The following CRISP1 variants were observed in gnomAD, a reference collection of about 807,000 sequenced individuals.
CRISP1 encodes the protein cysteine-rich secretory protein 1.
A neutral mutation model predicts 33.1 loss-of-function variants in CRISP1; 44 were observed. The observed-to-expected ratio is 1.33, with a 90% confidence interval of 1.05 to 1.71. CRISP1 has a LOEUF of 1.71. Among genes scored for constraint, CRISP1 ranks in the 40% most tolerant of loss-of-function variants. CRISP1 has a pLI of 0.00. For missense variants in CRISP1, 390 were observed against 301.2 expected, an observed-to-expected ratio of 1.29 and a Z score of -2.18; for synonymous variants, 103 against 98.7, an observed-to-expected ratio of 1.04 and a Z score of -0.26.
rs1400269748 is a variant in CRISP1, at chr6:49,841,059, T to C, written c.436-64A>G. 2.2e-6 allele frequency: 3 copies of C among 1,341,120 alleles called. No homozygotes were observed. In the Admixed American group the frequency reaches 5.2e-5, roughly 23 times the overall value. The allele number at this position is 1,341,120 out of a possible 1,614,324, so 83.1% of individuals were successfully genotyped here. ...TTTTACTAAATGACTATAATATCCATATTGTCATCCATGATTAAAAGTAAA... is the reference window on the plus strand; with the variant it reads ...TTTTACTAAATGACTATAATATCCACATTGTCATCCATGATTAAAAGTAAA... On this transcript the variant is annotated intron_variant, in intron 5 of 7. Coordinates refer to ENST00000335847, the MANE Select transcript of CRISP1 (RefSeq NM_001131.3).
At chr6:49,857,480 T>G in intron 1 of CRISP1, 78 bp from the exon 2 acceptor site, 2 of 1,348,646 alleles carry the variant, frequency 1.5e-6, no homozygotes, top group Admixed American at 3.8e-5. Context: ...TTAAACCACT[T>G]TTACATGTGT....
chr6:49,862,848 AT>A (rs888812747), intron 1 of CRISP1, among the ~76,000 whole-genome samples: 9 of 150,032 alleles, frequency 6.0e-5, no homozygotes, highest in African/African-American at 9.8e-5. Context: ...CTGGAGGGTC[AT>A]TTTTTTTTGC....
chr6:49,841,015 T>C lies in CRISP1; in HGVS notation c.436-20A>G. On this transcript the variant is annotated intron_variant, in intron 5 of 7. Transcript: ENST00000335847. ...AACAATCTGCAATGATAAAGAGTTG[T>C]TTTATTACAGATTAAATATTTTACT... The C allele has an allele frequency of 5.1e-6, 8 of 1,575,030 alleles. No homozygotes were observed. Among genetic ancestry groups the C allele is most frequent in the Non-Finnish European group, 7.0e-6 (8 of 1,145,712 alleles).
At chr6:49,858,467 A>G (rs1771554507) in intron 1 of CRISP1, among the ~76,000 whole-genome samples, 2 of 152,184 alleles carry the variant, frequency 1.3e-5, no homozygotes, top group South Asian at 4.1e-4. Flanking sequence ...CAGACAATTA[A>G]TCATGCTTTT....
intron 4 of CRISP1, among the ~76,000 whole-genome samples, chr6:49,847,410 G>A (rs1027812429): frequency 1.3e-5 from 2 of 152,050 alleles, no homozygotes; most frequent in Non-Finnish European, 2.9e-5. Context: ...CTTCATAATG[G>A]TGAGTGAGTT....
At position 49,848,222 on chromosome 6, in the gene CRISP1, C is replaced by T. The variant is rs1312043480; in HGVS notation, c.273G>A (p.Glu91=). 1.0e-5 allele frequency: 16 copies of T among 1,591,190 alleles called. No individual in the cohort carries two copies. In the Admixed American group the frequency reaches 1.8e-4, roughly 18 times the overall value. ...ATACACACTTACTTGGAAGTCTCCT[C>T]TCAAGGGGGTTGCTCTCTGTCATAT... ...YCDMTESNPL[E]RRLPNTFCGE... is the part of the protein sequence containing the mutation. Residue 91 remains glutamate (E), a synonymous_variant, in exon 4 of 8, where the codon GAG becomes GAA. Transcript: ENST00000335847.
chr6:49,869,671 G>C (rs981243899), upstream of CRISP1, among the ~76,000 whole-genome samples: 2 of 152,102 alleles, frequency 1.3e-5, no homozygotes, highest in African/African-American at 4.8e-5. Context: ...TATGAAAACA[G>C]TATCCTTTCT....
intron 7 of CRISP1, among the ~76,000 whole-genome samples, chr6:49,835,899 T>C (rs1770774584): frequency 6.6e-6 from 1 of 152,178 alleles, no homozygotes; most frequent in African/African-American, 2.4e-5. Flanking sequence ...ATATATAATC[T>C]CTCCATCCAC....
chr6:49,865,853 C>G (rs1162025129), intron 1 of CRISP1, among the ~76,000 whole-genome samples: 1 of 152,162 alleles, frequency 6.6e-6, no homozygotes, highest in Non-Finnish European at 1.5e-5. Context: ...GAAGTTTGGA[C>G]AGCTTAAAAT....
At chr6:49,845,963 G>A (rs72863137) in intron 5 of CRISP1, among the ~76,000 whole-genome samples, 1,593 of 152,268 alleles carry the variant, frequency 0.01, 11 homozygotes, top group Non-Finnish European at 0.015. Flanking sequence ...TAGAGTGGTA[G>A]TTGCCAGAGG....
intron 1 of CRISP1, among the ~76,000 whole-genome samples, chr6:49,859,136 A>G (rs1471464672): frequency 6.6e-6 from 1 of 151,926 alleles, no homozygotes; most frequent in South Asian, 2.1e-4. Flanking sequence ...AGGCTACCAA[A>G]GAGTTGCCTG....
chr6:49,851,891 G>T, intron 3 of CRISP1, 110 bp downstream of exon 3: 1 of 1,253,384 alleles, frequency 8.0e-7, no homozygotes, highest in Non-Finnish European at 1.1e-6. Flanking sequence ...TAAAAGATTT[G>T]TTGTGAAGAT....
intron 1 of CRISP1, among the ~76,000 whole-genome samples, chr6:49,876,691 A>T (rs1772042712): frequency 1.3e-5 from 2 of 152,132 alleles, no homozygotes. Flanking sequence ...ACACCATGGA[A>T]CACTATGTAG....
chr6:49,835,456 A>C lies in CRISP1; in HGVS notation c.623-13T>G. On this transcript the variant is annotated splice_polypyrimidine_tract_variant and intron_variant, in intron 7 of 7. Transcript: ENST00000335847. ...ATGCAGGGGTTAGCTGAAAGAAAAT[A>C]GTATGGTTTTACAACACAGTCTTTT... The C allele has an allele frequency of 6.2e-7, 1 of 1,612,570 alleles. No homozygotes were observed. The highest frequency in any genetic ancestry group is 8.5e-7 in the Non-Finnish European group (1 of 1,179,214).
upstream of CRISP1, among the ~76,000 whole-genome samples, chr6:49,868,158 T>C (rs1468323451): frequency 2.0e-5 from 3 of 152,154 alleles, no homozygotes; most frequent in East Asian, 5.8e-4. Context: ...TCCAGCTTCA[T>C]ATATGGTTTT....
At chr6:49,854,263 C>T (rs1275773775) in intron 2 of CRISP1, among the ~76,000 whole-genome samples, 1 of 152,200 alleles carries the variant, frequency 6.6e-6, no homozygotes, top group African/African-American at 2.4e-5. Context: ...AGTCCATTCT[C>T]TTCTACCATT....
At chr6:49,845,423 G>A (rs1771131598) in intron 5 of CRISP1, among the ~76,000 whole-genome samples, 1 of 152,142 alleles carries the variant, frequency 6.6e-6, no homozygotes. Flanking sequence ...ATAAAGTTCT[G>A]TTGTTTAATC....
At chr6:49,844,715 A>G (rs1388330854) in intron 5 of CRISP1, among the ~76,000 whole-genome samples, 1 of 152,152 alleles carries the variant, frequency 6.6e-6, no homozygotes, top group Non-Finnish European at 1.5e-5. Context: ...TTACTATCAC[A>G]TGAAATTTCT....
intron 1 of CRISP1, among the ~76,000 whole-genome samples, chr6:49,874,840 T>C (rs1288323231): frequency 1.3e-5 from 2 of 151,970 alleles, no homozygotes; most frequent in African/African-American, 2.4e-5. Context: ...GAAAAGGCCT[T>C]TGTTAAAGAA....
Sources: allele counts gnomAD v4.1 joint callset (sites outside exome capture counted in the v4.1 genomes callset), GRCh38; gene constraint gnomAD v4.1.1; transcripts MANE v1.5; gene names NCBI Gene and HGNC (gene_info 2026-07-23, HGNC 2026-07-21).